The following DHRS3 variants were observed in gnomAD, a reference collection of about 807,000 sequenced individuals.
The protein encoded by DHRS3 is dehydrogenase/reductase 3.
Under a neutral mutation model 27.2 loss-of-function variants are expected in DHRS3, and 14 were observed. The observed-to-expected ratio is 0.52, with a 90% CI of 0.34 to 0.81. The LOEUF is 0.81. Among genes scored for constraint, DHRS3 ranks in the 30% least tolerant of loss-of-function variants. DHRS3 has a pLI of 0.01. For missense variants in DHRS3, 322 were observed against 406.2 expected, an observed-to-expected ratio of 0.79 and a Z score of 1.78; for synonymous variants, 165 against 175.9, an observed-to-expected ratio of 0.94 and a Z score of 0.49.
At chr1:12,600,878 G>A (rs1202453926) in intron 1 of DHRS3, among the ~76,000 whole-genome samples, 1 of 151,880 alleles carries the variant, frequency 6.6e-6, no homozygotes, top group Non-Finnish European at 1.5e-5. Flanking sequence ...CTGGACTTTG[G>A]TGGCTGAGCA....
intron 1 of DHRS3, among the ~76,000 whole-genome samples, chr1:12,585,217 G>GTGTGTCTCTGTGAGTGTGTCTC (rs1553139834): frequency 4.7e-4 from 6 of 12,812 alleles, no homozygotes; most frequent in African/African-American, 1.7e-3. Context: ...GTGTATCTCT[G>GTGTGTCTCTGTGAGTGTGTCTC]TGTGTGTGTG....
At chr1:12,576,723 T>C (rs1285081731) in intron 4 of DHRS3, among the ~76,000 whole-genome samples, 2 of 151,760 alleles carry the variant, frequency 1.3e-5, no homozygotes, top group African/African-American at 4.8e-5. Flanking sequence ...TCTAGACTCC[T>C]CGAAATTCAG....
intron 1 of DHRS3, among the ~76,000 whole-genome samples, chr1:12,602,682 T>C (rs1296042908): frequency 6.6e-6 from 1 of 151,874 alleles, no homozygotes; most frequent in East Asian, 1.9e-4. Context: ...ACCCAGGAGG[T>C]GATAGGAGCT....
At chr1:12,587,277 G>C (rs1477047474) in intron 1 of DHRS3, among the ~76,000 whole-genome samples, 1 of 151,688 alleles carries the variant, frequency 6.6e-6, no homozygotes, top group Non-Finnish European at 1.5e-5. Context: ...CAAGTAGCTG[G>C]GACCAGAGGT....
rs1646746237 is a variant in DHRS3 at position 12,591,612 on chromosome 1, A to G, written c.196-10946T>C. On this transcript the variant is annotated intron_variant, in intron 1 of 5. Coordinates refer to ENST00000616661, the MANE Select transcript of DHRS3 (RefSeq NM_004753.7). This position sits in a 1 kb window ranked among gnomAD's most constrained non-coding sequence, Gnocchi z 4.1. ...TGCACGTGGGGCTCACTAGCTGGCC[A>G]CACTGCCTCAGCATGGGTGCCGTGG... Among the ~76,000 whole-genome samples the G allele has an allele frequency of 6.6e-6, 1 of 152,238 alleles. No homozygotes were observed. The highest frequency in any genetic ancestry group is 1.5e-5 in the Non-Finnish European group (1 of 68,052).
intron 1 of DHRS3, among the ~76,000 whole-genome samples, chr1:12,585,835 T>C (rs1646692949): frequency 1.3e-5 from 2 of 152,150 alleles, no homozygotes; most frequent in South Asian, 4.1e-4. Flanking sequence ...TCTGAGGGTA[T>C]GTGGGTTGGG....
At chr1:12,614,692 C>T (rs1210059738) in intron 1 of DHRS3, among the ~76,000 whole-genome samples, 1 of 147,056 alleles carries the variant, frequency 6.8e-6, no homozygotes, top group Non-Finnish European at 1.5e-5. Context: ...TTTGCAGAGA[C>T]TCTGGTACAC....
intron 1 of DHRS3, among the ~76,000 whole-genome samples, chr1:12,585,761 G>A (rs1354961031): frequency 2.6e-5 from 4 of 152,222 alleles, no homozygotes; most frequent in Non-Finnish European, 5.9e-5. Context: ...CTGCACAGCT[G>A]ACAGGACAAG....
chr1:12,615,149 TAAAGTAGCTCCAGAAGCCTCATTA>T (rs1646936198), intron 1 of DHRS3, among the ~76,000 whole-genome samples: 1 of 26,366 alleles, frequency 3.8e-5, no homozygotes, highest in Non-Finnish European at 9.0e-5. Context: ...AGCCTCATTA[TAAAGTAGCTCCAGAAGCCTCATTA>T]TAAAGTAGCT....
At chr1:12,614,037 C>T (rs896683315) in intron 1 of DHRS3, among the ~76,000 whole-genome samples, 3 of 152,158 alleles carry the variant, frequency 2.0e-5, no homozygotes, top group Admixed American at 2.0e-4. Context: ...TCCCAAAGTG[C>T]TGGGATTACA....
At chr1:12,585,249 G>T (rs1391863755) in intron 1 of DHRS3, among the ~76,000 whole-genome samples, 1 of 151,224 alleles carries the variant, frequency 6.6e-6, no homozygotes, top group Non-Finnish European at 1.5e-5. Context: ...GTGTGTCTCT[G>T]TGTCTCTGAG....
At chr1:12,598,856 G>A (rs768592882) in intron 1 of DHRS3, among the ~76,000 whole-genome samples, 10 of 152,192 alleles carry the variant, frequency 6.6e-5, no homozygotes, top group Non-Finnish European at 4.4e-5. Flanking sequence ...CCCCAAACCG[G>A]TTGGCGGTAC....
Position 12,617,762 on chromosome 1 carries a change from G to T in DHRS3, c.-414C>A. On this transcript the variant is annotated 5_prime_UTR_variant, in exon 1 of 6. Transcript: ENST00000616661. ...CAACCACACGCGCGCACCCTGCCTC[G>T]GTCCCGCGGTTTCAAAGTGCAAGAT... The T allele has an allele frequency of 8.5e-6, 1 of 117,536 alleles. No individual in the cohort carries two copies. Among genetic ancestry groups the T allele is most frequent in the Non-Finnish European group, 1.6e-5 (1 of 61,204 alleles). 7.3% of individuals were successfully genotyped at this position (117,536 alleles called of 1,614,324 possible). A position where few individuals can be genotyped will look rare whatever the true frequency, so the allele number is the denominator to read the frequency against.
intron 1 of DHRS3, among the ~76,000 whole-genome samples, chr1:12,585,877 T>C (rs1162373004): frequency 2.0e-5 from 3 of 152,160 alleles, no homozygotes; most frequent in Non-Finnish European, 4.4e-5. Context: ...TCTGAGCCCT[T>C]GGAACCAGTG....
chr1:12,603,683 G>T (rs12139136), intron 1 of DHRS3, among the ~76,000 whole-genome samples: 1 of 152,144 alleles, frequency 6.6e-6, no homozygotes, highest in Non-Finnish European at 1.5e-5. Context: ...TCCCTAGGAG[G>T]CTGTTTCAGT....
Position 12,586,503 on chromosome 1 carries a change from G to A in DHRS3, c.196-5837C>T, listed in dbSNP as rs1273316786. ...CGGACAGCCGGCTATGGGCTGGGGT[G>A]GTGATCCAACAGAGAATGAAGCAGA... On this transcript the variant is annotated intron_variant, in intron 1 of 5. Transcript: ENST00000616661. This position sits in a 1 kb window ranked among gnomAD's most constrained non-coding sequence, Gnocchi z 5.0. 6.6e-6 allele frequency among the ~76,000 whole-genome samples: 1 copy of A among 152,196 alleles called. No homozygotes were observed. Among genetic ancestry groups the A allele is most frequent in the Non-Finnish European group, 1.5e-5 (1 of 68,046 alleles).
Position 12,580,503 on chromosome 1 carries a change from G to A in DHRS3, c.339+20C>T, listed in dbSNP as rs544836401. ...CCTGTGGTCAGCTGTGCTAGGAATA[G>A]ACCCTCCCAGGCTACAGACCTTCTC... On this transcript the variant is annotated intron_variant, in intron 2 of 5. Coordinates refer to ENST00000616661, the MANE Select transcript of DHRS3 (RefSeq NM_004753.7). 9.3e-6 allele frequency: 15 copies of A among 1,614,132 alleles called. No individual in the cohort carries two copies. Among genetic ancestry groups the A allele is most frequent in the Non-Finnish European group, 1.3e-5 (15 of 1,180,012 alleles).
At chr1:12,572,088 T>C (rs552592811) in intron 5 of DHRS3, among the ~76,000 whole-genome samples, 1 of 152,380 alleles carries the variant, frequency 6.6e-6, no homozygotes, top group East Asian at 1.9e-4. Context: ...ATATTTATAT[T>C]AATGTAATGG....
At position 12,617,296 on chromosome 1, in the gene DHRS3, T is replaced by A; in HGVS notation, c.53A>T (p.Tyr18Phe). The change falls in exon 1 of 6, where the codon TAT becomes TTT. Residue 18 changes from tyrosine (Y) to phenylalanine (F), a missense_variant. Transcript: ENST00000616661. ...TCCGACGGCTGCTTTCACCACCAGATAGATCATCTGTAGAGGGAACATCAC... is the reference window on the plus strand; with the variant it reads ...TCCGACGGCTGCTTTCACCACCAGAAAGATCATCTGTAGAGGGAACATCAC... ...ALVMFPLQMIYLVVKAAVGLV... is the reference protein window; with the variant it reads ...ALVMFPLQMIFLVVKAAVGLV... 1 of 1,613,638 alleles carries A rather than the reference T, an allele frequency of 6.2e-7. No individual in the cohort carries two copies. Among genetic ancestry groups the A allele is most frequent in the Non-Finnish European group, 8.5e-7 (1 of 1,179,910 alleles).
Sources: allele counts gnomAD v4.1 joint callset (sites outside exome capture counted in the v4.1 genomes callset), GRCh38; gene constraint gnomAD v4.1.1; non-coding constraint Gnocchi (gnomAD v3.1); transcripts MANE v1.5; gene names NCBI Gene and HGNC (gene_info 2026-07-23, HGNC 2026-07-21).